The following SNX29 variants were observed in gnomAD, a reference collection of about 807,000 sequenced individuals.
SNX29 encodes the protein sorting nexin-29.
In SNX29, 78 loss-of-function variants were observed where a neutral mutation model predicts 102.1. That is an observed-to-expected ratio of 0.76 (90% confidence interval 0.64 to 0.92). The LOEUF (loss-of-function observed/expected upper bound fraction) is 0.92. Among genes scored for constraint, SNX29 ranks in the 40% least tolerant of loss-of-function variants. The probability of loss-of-function intolerance (pLI) is 0.00; values close to 1 mark genes in which losing one functional copy is unlikely to be tolerated. For missense variants in SNX29, 1,280 were observed against 1,061.7 expected, an observed-to-expected ratio of 1.21 and a Z score of -2.86; for synonymous variants, 580 against 414.5, an observed-to-expected ratio of 1.40 and a Z score of -4.85.
At chr16:12,171,376 G>C (rs1296363800) in intron 13 of SNX29, among the ~76,000 whole-genome samples, 2 of 152,134 alleles carry the variant, frequency 1.3e-5, no homozygotes, top group South Asian at 2.1e-4. Flanking sequence ...CCATCTTTTG[G>C]ATCATCCTGA....
chr16:12,183,044 C>T (rs567001105), intron 13 of SNX29, among the ~76,000 whole-genome samples: 1 of 152,062 alleles, frequency 6.6e-6, no homozygotes, highest in Admixed American at 6.5e-5. Flanking sequence ...CACTTTGTCA[C>T]CCAGGTTGGA....
intron 17 of SNX29, among the ~76,000 whole-genome samples, chr16:12,398,946 C>T (rs913783013): frequency 6.6e-6 from 1 of 152,154 alleles, no homozygotes; most frequent in Non-Finnish European, 1.5e-5. Flanking sequence ...TGTGTGGCCC[C>T]TGGGTTATTG....
At chr16:12,199,787 A>G in intron 14 of SNX29, 104 bp downstream of exon 14, 1 of 917,262 alleles carries the variant, frequency 1.1e-6, no homozygotes, top group East Asian at 2.7e-5. Context: ...GCATATGTGG[A>G]TGGATTAGAA....
intron 16 of SNX29, among the ~76,000 whole-genome samples, chr16:12,395,074 G>A (rs1019479273): frequency 3.3e-5 from 5 of 152,038 alleles, no homozygotes; most frequent in Non-Finnish European, 7.4e-5. Flanking sequence ...CTACGGCTTT[G>A]GCAAATTGGC....
At chr16:12,350,003 C>T (rs1247548876) in intron 15 of SNX29, among the ~76,000 whole-genome samples, 1 of 152,218 alleles carries the variant, frequency 6.6e-6, no homozygotes, top group East Asian at 1.9e-4. Context: ...TGAAACATTT[C>T]TAAATGCTTG....
intron 20 of SNX29, among the ~76,000 whole-genome samples, chr16:12,566,215 C>G (rs1343416757): frequency 6.6e-6 from 1 of 152,234 alleles, no homozygotes; most frequent in Non-Finnish European, 1.5e-5. Flanking sequence ...CTAGGATATG[C>G]TTATGGTTGT....
At chr16:12,473,759 C>G (rs993963630) in intron 18 of SNX29, among the ~76,000 whole-genome samples, 2 of 152,136 alleles carry the variant, frequency 1.3e-5, no homozygotes, top group African/African-American at 2.4e-5. Flanking sequence ...CTAGAGTGAC[C>G]TCTGGGTGTC....
chr16:11,985,419 T>C (rs1252922711), intron 1 of SNX29, among the ~76,000 whole-genome samples: 1 of 152,174 alleles, frequency 6.6e-6, no homozygotes, highest in African/African-American at 2.4e-5. Context: ...TGGGAATATA[T>C]GGTGTCTTGT....
chr16:12,552,418 C>G (rs567197312), intron 20 of SNX29, among the ~76,000 whole-genome samples: 2 of 152,206 alleles, frequency 1.3e-5, no homozygotes, highest in Non-Finnish European at 2.9e-5. Flanking sequence ...AGGACGTGGT[C>G]AGTTCTTTTG....
At chr16:12,034,941 G>A (rs1391948523) in intron 4 of SNX29, among the ~76,000 whole-genome samples, 2 of 152,050 alleles carry the variant, frequency 1.3e-5, no homozygotes, top group Non-Finnish European at 2.9e-5. Flanking sequence ...AATCCAGGAG[G>A]CGGAGGATTC....
chr16:12,486,063 G>A (rs756656072), intron 19 of SNX29, among the ~76,000 whole-genome samples: 31 of 152,202 alleles, frequency 2.0e-4, no homozygotes, highest in Non-Finnish European at 2.4e-4. Flanking sequence ...AGGCGTCAGC[G>A]AGGCTGCATT....
intron 13 of SNX29, among the ~76,000 whole-genome samples, chr16:12,147,601 C>A (rs773896261): frequency 6.6e-6 from 1 of 152,106 alleles, no homozygotes; most frequent in Non-Finnish European, 1.5e-5. Flanking sequence ...GAGTTACTTC[C>A]GAGAAATGGT....
At chr16:12,426,708 C>T (rs1044719524) in intron 18 of SNX29, among the ~76,000 whole-genome samples, 1 of 152,170 alleles carries the variant, frequency 6.6e-6, no homozygotes, top group African/African-American at 2.4e-5. Flanking sequence ...CTCTGTCGCC[C>T]AGGCTGGAGT....
intron 13 of SNX29, among the ~76,000 whole-genome samples, chr16:12,182,693 G>A (rs1178641963): frequency 6.6e-6 from 1 of 152,076 alleles, no homozygotes; most frequent in Non-Finnish European, 1.5e-5. Flanking sequence ...ACTTTGGGAC[G>A]CTGAGGCGGG....
At chr16:12,563,459 T>C (rs1187620440) in intron 20 of SNX29, among the ~76,000 whole-genome samples, 2 of 152,182 alleles carry the variant, frequency 1.3e-5, no homozygotes, top group African/African-American at 4.8e-5. Flanking sequence ...TTAGGAAACC[T>C]AATAGGGTAA....
At chr16:12,165,463 A>G (rs549149669) in intron 13 of SNX29, among the ~76,000 whole-genome samples, 6 of 152,338 alleles carry the variant, frequency 3.9e-5, no homozygotes, top group Admixed American at 6.5e-5. Context: ...AAAATAGTCA[A>G]TCCTTTAGTT....
At chr16:12,489,834 C>A (rs546994406) in intron 19 of SNX29, among the ~76,000 whole-genome samples, 36 of 152,098 alleles carry the variant, frequency 2.4e-4, no homozygotes, top group African/African-American at 8.0e-4. Flanking sequence ...GAGATTGCGT[C>A]TCACTCTGTC....
chr16:12,285,814 C>G (rs921759176), intron 15 of SNX29, among the ~76,000 whole-genome samples: 4 of 152,172 alleles, frequency 2.6e-5, no homozygotes, highest in African/African-American at 9.7e-5. Context: ...CTACATTAAA[C>G]TGATACTCAA....
rs144585709 is a variant in SNX29, at chr16:12,222,717, C to T, written c.1678+23034C>T. 5.6e-3 allele frequency among the ~76,000 whole-genome samples: 859 copies of T among 152,262 alleles called. 4 individuals are homozygous for T. Among genetic ancestry groups the T allele is most frequent in the African/African-American group, 0.017 (713 of 41,540 alleles). On this transcript the variant is annotated intron_variant, in intron 14 of 20. Transcript: ENST00000566228. ...TTGGGTAGCTAGGACTACAGGCACC[C>T]GCCACCATGCCCAGCTAATTTTTGT...
Sources: allele counts gnomAD v4.1 joint callset (sites outside exome capture counted in the v4.1 genomes callset), GRCh38; gene constraint gnomAD v4.1.1; transcripts MANE v1.5; gene names NCBI Gene and HGNC (gene_info 2026-07-23, HGNC 2026-07-21).